Variants in PPP2R2B observed in about 807,000 individuals in gnomAD.
The protein encoded by PPP2R2B is protein phosphatase 2 regulatory subunit Bbeta.
PPP2R2B carries 5 observed loss-of-function variants against 46.0 expected under a neutral mutation model. That is an observed-to-expected ratio of 0.11 (90% CI 0.06 to 0.23). The LOEUF is 0.23. Ranked by LOEUF, PPP2R2B falls within the 10% of genes least tolerant of loss-of-function variation. The pLI is 1.00. For missense variants in PPP2R2B, 367 were observed against 575.0 expected, an observed-to-expected ratio of 0.64 and a Z score of 3.70; for synonymous variants, 215 against 206.7, an observed-to-expected ratio of 1.04 and a Z score of -0.34.
At chr5:146,662,752 TCATAAA>T (rs1253933975) in intron 5 of PPP2R2B, among the ~76,000 whole-genome samples, 1 of 151,948 alleles carries the variant, frequency 6.6e-6, no homozygotes, top group Admixed American at 6.6e-5. Context: ...ATTTTTATAA[TCATAAA>T]AAGAAAATCA....
At chr5:146,837,404 A>G (rs1209864833) in intron 2 of PPP2R2B, among the ~76,000 whole-genome samples, 1 of 152,238 alleles carries the variant, frequency 6.6e-6, no homozygotes, top group African/African-American at 2.4e-5. Context: ...TGGGTTTATC[A>G]GGATACAAAC....
At chr5:146,980,416 C>T (rs1240146399) in intron 1 of PPP2R2B, among the ~76,000 whole-genome samples, 1 of 152,130 alleles carries the variant, frequency 6.6e-6, no homozygotes, top group Non-Finnish European at 1.5e-5. Flanking sequence ...TACACCATCC[C>T]TCCCCTCCCT....
intron 1 of PPP2R2B, among the ~76,000 whole-genome samples, chr5:146,938,385 C>T (rs1291616135): frequency 6.6e-6 from 1 of 152,124 alleles, no homozygotes; most frequent in East Asian, 1.9e-4. Context: ...AATGAGAAGT[C>T]TTACACATTT....
intron 2 of PPP2R2B, among the ~76,000 whole-genome samples, chr5:146,862,763 A>AT (rs3062348): frequency 9.0e-4 from 128 of 142,698 alleles, no homozygotes; most frequent in South Asian, 2.0e-3. Context: ...AGAAAAGTAA[A>AT]TTTTTTTTTT....
chr5:147,014,220 A>C (rs2151880325), intron 1 of PPP2R2B, among the ~76,000 whole-genome samples: 1 of 133,976 alleles, frequency 7.5e-6, no homozygotes, highest in Non-Finnish European at 1.6e-5. Context: ...GGCAATCATT[A>C]GAAAGTCAGG....
At chr5:147,003,251 C>T (rs1754273286) in intron 1 of PPP2R2B, among the ~76,000 whole-genome samples, 1 of 151,906 alleles carries the variant, frequency 6.6e-6, no homozygotes, top group Admixed American at 6.6e-5. Flanking sequence ...AATGATAAGC[C>T]TCCTCTAATC....
In PPP2R2B at chr5:146,698,046, T is replaced by C. The variant is rs1274188360; in HGVS notation, c.267A>G (p.Glu89=). ...GCCATCTTATTTTATTGATTTTTTC[T>C]TCTATTTCTAAACTCTTCAGGTAAT... ...EFDYLKSLEI[E]EKINKIRWLP... Residue 89 remains glutamate, a synonymous_variant, in exon 4 of 10, where the codon GAA becomes GAG. Coordinates refer to ENST00000394411, the MANE Select transcript of PPP2R2B (RefSeq NM_181675.4). 3 of 1,613,708 alleles carry C rather than the reference T, an allele frequency of 1.9e-6. No individual in the cohort carries two copies. In the South Asian group the frequency reaches 3.3e-5, roughly 18 times the overall value.
chr5:146,941,617 A>T (rs1286905663), intron 1 of PPP2R2B, among the ~76,000 whole-genome samples: 1 of 152,142 alleles, frequency 6.6e-6, no homozygotes, highest in Non-Finnish European at 1.5e-5. Flanking sequence ...GAACCTTTCC[A>T]CTTCCTTTTT....
At chr5:147,010,169 C>A (rs909482042) in intron 1 of PPP2R2B, among the ~76,000 whole-genome samples, 3 of 151,980 alleles carry the variant, frequency 2.0e-5, no homozygotes, top group Non-Finnish European at 4.4e-5. Flanking sequence ...AAACACAAAC[C>A]CAGCAATACA....
At chr5:146,709,771 A>G (rs1780114227) in intron 2 of PPP2R2B, among the ~76,000 whole-genome samples, 1 of 152,184 alleles carries the variant, frequency 6.6e-6, no homozygotes. Flanking sequence ...CTTTGATGAC[A>G]CTGTTGAACA....
Position 146,886,070 on chromosome 5 carries a change from G to A in PPP2R2B, c.79+169595C>T, listed in dbSNP as rs192910989. Among the ~76,000 whole-genome samples, 383 of 152,320 alleles carry A rather than the reference G, an allele frequency of 2.5e-3. 2 individuals carry two copies. Among genetic ancestry groups the A allele is most frequent in the African/African-American group, 9.0e-3 (375 of 41,582 alleles). ...TTAGATAGGGGCGGCCGGGCGCGGT[G>A]GCTCACGCCTGTAGCCCCAACACTT... On this transcript the variant is annotated intron_variant, in intron 1 of 8. Transcript: ENST00000336640.
chr5:146,600,287 A>G lies in PPP2R2B; in HGVS notation c.960+4T>C, dbSNP rs772978732. On this transcript the variant is annotated splice_donor_region_variant and intron_variant, in intron 8 of 9. Transcript: ENST00000394411. Reference sequence around the variant, plus strand: ...TATACCTATGGGTGCCTGGGGTTCTATACCTGGTAAGTCTCGATGGGGCGG... The same window carrying G: ...TATACCTATGGGTGCCTGGGGTTCTGTACCTGGTAAGTCTCGATGGGGCGG... 9 of 1,613,108 alleles carry G rather than the reference A, an allele frequency of 5.6e-6. No individual in the cohort carries two copies. The African/African-American group carries it at 1.2e-4, about 22-fold the overall frequency.
intron 1 of PPP2R2B, among the ~76,000 whole-genome samples, chr5:146,962,053 A>C (rs1752193854): frequency 6.7e-6 from 1 of 149,258 alleles, no homozygotes; most frequent in African/African-American, 2.5e-5. Flanking sequence ...AACTTCAAAA[A>C]GAAGGGAATG....
chr5:146,765,957 A>G (rs571512108), intron 2 of PPP2R2B, among the ~76,000 whole-genome samples: 10 of 152,332 alleles, frequency 6.6e-5, no homozygotes, highest in African/African-American at 2.4e-4. Context: ...GTTGTTTTGG[A>G]CAGAACTTTT....
intron 7 of PPP2R2B, among the ~76,000 whole-genome samples, chr5:146,617,482 TAC>T (rs1773279635): frequency 6.6e-6 from 1 of 152,118 alleles, no homozygotes; most frequent in African/African-American, 2.4e-5. Flanking sequence ...CATAAATATA[TAC>T]ACCTCTGTAC....
chr5:146,865,239 A>C (rs1761238822), intron 2 of PPP2R2B, among the ~76,000 whole-genome samples: 1 of 151,748 alleles, frequency 6.6e-6, no homozygotes, highest in African/African-American at 2.4e-5. Context: ...CCTATAGATG[A>C]TGTTGTTTTG....
chr5:146,921,872 T>C (rs1161123621), intron 1 of PPP2R2B, among the ~76,000 whole-genome samples: 4 of 152,224 alleles, frequency 2.6e-5, no homozygotes, highest in Non-Finnish European at 5.9e-5. Flanking sequence ...GCCTACCATT[T>C]CTTATGGCTA....
chr5:146,719,379 G>A (rs1375817432), intron 2 of PPP2R2B, among the ~76,000 whole-genome samples: 1 of 152,220 alleles, frequency 6.6e-6, no homozygotes, highest in East Asian at 1.9e-4. Context: ...ATGACTTTAG[G>A]TGTCAGAAAG....
At position 146,971,812 on chromosome 5, in the gene PPP2R2B, T is replaced by A. The variant is rs137931028; in HGVS notation, c.79+83853A>T. Among the ~76,000 whole-genome samples, 86 of 152,328 alleles carry A rather than the reference T, an allele frequency of 5.6e-4. 2 individuals are homozygous for A. In the East Asian group the frequency reaches 0.013, roughly 24 times the overall value. On this transcript the variant is annotated intron_variant, in intron 1 of 8. Coordinates refer to the PPP2R2B transcript ENST00000336640. ...AATTACATCTTTAACATACTTTTTT[T>A]ATTTTGGAATAATTCTAGATTTTAT...
Sources: gnomAD v4.1 joint callset for allele counts (sites outside exome capture counted in the v4.1 genomes callset) on GRCh38, gnomAD v4.1.1 for gene constraint, MANE v1.5 for transcripts, NCBI Gene and HGNC (gene_info 2026-07-23, HGNC 2026-07-21) for gene names.